Variants in HEG1 observed in about 807,000 individuals in gnomAD.
The protein encoded by HEG1 is heart development protein with EGF like domains 1, also known as protein HEG homolog 1.
In HEG1, 56 loss-of-function variants were observed where a neutral mutation model predicts 125.6. The observed-to-expected ratio is 0.45, with a 90% CI of 0.36 to 0.56. The LOEUF is 0.56. Ranked by LOEUF, HEG1 falls within the 20% of genes least tolerant of loss-of-function variation. HEG1 has a pLI of 0.00. For synonymous variants in HEG1, 644 were observed against 668.5 expected (o/e 0.96, Z 0.57); for missense variants, 1,523 against 1,670.0 (o/e 0.91, Z 1.53).
chr3:125,006,500 C>T (rs879523405), intron 8 of HEG1, among the ~76,000 whole-genome samples: 3 of 152,106 alleles, frequency 2.0e-5, no homozygotes, highest in African/African-American at 4.8e-5. Context: ...GCCTGCATGC[C>T]GAATTGAGAA....
chr3:125,029,325 G>A lies in HEG1; in HGVS notation c.480C>T (p.Leu160=), dbSNP rs762989742. 5.6e-6 allele frequency: 9 copies of A among 1,614,008 alleles called. No individual in the cohort carries two copies. Among genetic ancestry groups the A allele is most frequent in the Admixed American group, 1.7e-5 (1 of 60,016 alleles). Residue 160 remains leucine, a synonymous_variant, in exon 2 of 17, where the codon CTC becomes CTT. Transcript: ENST00000311127. ...CATCTGCTGTTTCAGCGAGTAGAGT[G>A]AGGTTTTCTGGAGCATCCGAAGCAG... ...SHAASDAPEN[L]TLLAETADAR... is the part of the protein sequence containing the mutation.
chr3:125,002,497 T>C (rs1291382017), intron 9 of HEG1, among the ~76,000 whole-genome samples, 182 bp from the exon 10 acceptor site: 6 of 152,176 alleles, frequency 3.9e-5, no homozygotes, highest in Non-Finnish European at 7.4e-5. Context: ...TGTTGTTCCA[T>C]GAGTACAAAG....
At chr3:125,009,508 T>A (rs528268296) in intron 8 of HEG1, 197 bp downstream of exon 8, 2 of 431,252 alleles carry the variant, frequency 4.6e-6, no homozygotes, top group African/African-American at 3.9e-5. Context: ...ATACTGCACA[T>A]CAAAAACATA....
intron 8 of HEG1, among the ~76,000 whole-genome samples, chr3:125,005,770 T>C (rs1418944998): frequency 6.6e-6 from 1 of 152,194 alleles, no homozygotes; most frequent in Non-Finnish European, 1.5e-5. Flanking sequence ...GGAGATGTGT[T>C]AGACACTAAA....
At chr3:125,023,475 A>T (rs915571142) in intron 3 of HEG1, among the ~76,000 whole-genome samples, 2 of 152,222 alleles carry the variant, frequency 1.3e-5, no homozygotes, top group Admixed American at 1.3e-4. Context: ...TTTACTGACC[A>T]ATTATGACTT....
chr3:125,029,070 C>T, intron 2 of HEG1, 125 bp downstream of exon 2: 1 of 1,039,008 alleles, frequency 9.6e-7, no homozygotes, highest in Non-Finnish European at 1.4e-6. Context: ...AGGTCTGACC[C>T]ACCCCAGCCT....
intron 14 of HEG1, among the ~76,000 whole-genome samples, chr3:124,987,456 T>C (rs1209227003): frequency 6.6e-6 from 1 of 151,922 alleles, no homozygotes; most frequent in Non-Finnish European, 1.5e-5. Flanking sequence ...ATGAGTTTCT[T>C]GCACACGTGA....
chr3:124,984,519 G>A (rs1936708413), intron 14 of HEG1, among the ~76,000 whole-genome samples: 1 of 152,178 alleles, frequency 6.6e-6, no homozygotes, highest in South Asian at 2.1e-4. Flanking sequence ...AGCGCTTTGG[G>A]AGGCTGAGGC....
At position 124,973,857 on chromosome 3, in the gene HEG1, G is replaced by A; in HGVS notation, c.3870C>T (p.Phe1290=). The change falls in exon 16 of 17, where the codon TTC becomes TTT. Residue 1290 remains phenylalanine (F), a synonymous_variant. Transcript: ENST00000311127. ...ISKLIFKSGD[F]QMSPYAEYPK... is the part of the protein sequence containing the mutation. ...GGTATTCAGCATACGGGGACATTTG[G>A]AAATCTCCACTTTTGAAGATGAGTT... is the stretch of plus-strand genomic sequence containing the variant. The A allele has an allele frequency of 1.2e-6, 2 of 1,613,008 alleles. No individual in the cohort carries two copies. The highest frequency in any genetic ancestry group is 1.7e-6 in the Non-Finnish European group (2 of 1,179,294).
At chr3:124,986,763 G>A (rs1305691573) in intron 14 of HEG1, among the ~76,000 whole-genome samples, 1 of 152,190 alleles carries the variant, frequency 6.6e-6, no homozygotes, top group Non-Finnish European at 1.5e-5. Flanking sequence ...AAGGAAGTCT[G>A]AGGAATCAGA....
At chr3:124,986,122 A>G (rs1236077353) in intron 14 of HEG1, among the ~76,000 whole-genome samples, 1 of 152,224 alleles carries the variant, frequency 6.6e-6, no homozygotes, top group Admixed American at 6.5e-5. Flanking sequence ...ATCTGGGCAC[A>G]AGTAGAAAGT....
At chr3:124,972,143 G>A (rs1466168202) in intron 16 of HEG1, 1 of 152,138 alleles carries the variant, frequency 6.6e-6, no homozygotes, top group Non-Finnish European at 1.5e-5. Context: ...TTACATTCTT[G>A]ACTACGTTTA....
At chr3:125,015,102 C>CGTCTTGGCTCCCA in intron 5 of HEG1, 2 of 844,320 alleles carry the variant, frequency 2.4e-6, no homozygotes, top group Non-Finnish European at 3.2e-6. Context: ...GCTGTGGGAG[C>CGTCTTGGCTCCCA]CAAGACGCTC....
chr3:125,053,870 C>A (rs1002115150), intron 1 of HEG1, among the ~76,000 whole-genome samples: 2 of 152,168 alleles, frequency 1.3e-5, no homozygotes, highest in African/African-American at 4.8e-5. Flanking sequence ...ACCTGTAATA[C>A]CTACCTCTCT....
At position 125,008,464 on chromosome 3, in the gene HEG1, A is replaced by C. The variant is rs79183669; in HGVS notation, c.3193+1241T>G. On this transcript the variant is annotated intron_variant, in intron 8 of 16. Coordinates refer to ENST00000311127, the MANE Select transcript of HEG1 (RefSeq NM_020733.2). Reference sequence around the variant, plus strand: ...ACACTGGGCAATTTAAGATGACTGAAAGATGAGTTATTTTATCTGCCAGTT... The same window carrying C: ...ACACTGGGCAATTTAAGATGACTGACAGATGAGTTATTTTATCTGCCAGTT... 7.8e-3 allele frequency among the ~76,000 whole-genome samples: 1,194 copies of C among 152,340 alleles called. 7 individuals carry two copies. The highest frequency in any genetic ancestry group is 0.014 in the Non-Finnish European group (919 of 68,024).
At chr3:124,983,393 G>A (rs181263930) in intron 14 of HEG1, among the ~76,000 whole-genome samples, 13 of 148,914 alleles carry the variant, frequency 8.7e-5, no homozygotes, top group Non-Finnish European at 1.6e-4. Flanking sequence ...CTGCAGTGTA[G>A]TGGCATGATT....
At chr3:125,034,540 G>A (rs577284732) in intron 1 of HEG1, among the ~76,000 whole-genome samples, 1 of 152,358 alleles carries the variant, frequency 6.6e-6, no homozygotes, top group African/African-American at 2.4e-5. Flanking sequence ...GCTCATGCCT[G>A]TAATTCTAGC....
At chr3:124,996,486 G>A (rs906594606) in intron 12 of HEG1, among the ~76,000 whole-genome samples, 2 of 152,138 alleles carry the variant, frequency 1.3e-5, no homozygotes, top group East Asian at 1.9e-4. Flanking sequence ...AGTCTGGCAC[G>A]GCACTGAGAC....
intron 11 of HEG1, among the ~76,000 whole-genome samples, chr3:125,000,978 C>T (rs1450001810): frequency 1.3e-5 from 2 of 152,254 alleles, no homozygotes; most frequent in African/African-American, 4.8e-5. Flanking sequence ...TTGAGTTTTC[C>T]TGTCCTGGAG....
Sources: allele counts gnomAD v4.1 joint callset (sites outside exome capture counted in the v4.1 genomes callset), GRCh38; gene constraint gnomAD v4.1.1; transcripts MANE v1.5; gene names NCBI Gene and HGNC (gene_info 2026-07-23, HGNC 2026-07-21).